The following CFAP70 variants were observed in gnomAD, a reference collection of about 807,000 sequenced individuals.
CFAP70 encodes the protein cilia and flagella associated protein 70, also known as cilia- and flagella-associated protein 70.
A neutral mutation model predicts 137.6 loss-of-function variants in CFAP70; 81 were observed. The ratio of observed to expected loss-of-function variants is 0.59; its 90% CI spans 0.49 to 0.71. CFAP70 has a LOEUF of 0.71. Among genes scored for constraint, CFAP70 ranks in the 30% least tolerant of loss-of-function variants. The pLI, the probability that CFAP70 is intolerant of heterozygous loss-of-function variation, is 0.00. For missense variants in CFAP70, 976 were observed against 1,226.7 expected, an observed-to-expected ratio of 0.80 and a Z score of 3.05; for synonymous variants, 382 against 423.6, an observed-to-expected ratio of 0.90 and a Z score of 1.20.
At chr10:73,254,088 T>C (rs1302441148) in intron 26 of CFAP70, 33 bp from the exon 28 acceptor site, 16 of 1,556,440 alleles carry the variant, frequency 1.0e-5, no homozygotes, top group Non-Finnish European at 5.3e-6. Context: ...GAAAGATATA[T>C]GTCATACGTG....
intron 14 of CFAP70, 60 bp from the exon 16 acceptor site, chr10:73,297,233 G>A (rs1264813003): frequency 6.5e-7 from 1 of 1,543,700 alleles, no homozygotes; most frequent in African/African-American, 1.4e-5. Context: ...TGAGAGCACG[G>A]GTCTCTCTAG....
rs116933741 is a variant in CFAP70, at chr10:73,298,342, T to C, written c.1512+565A>G. ...TAGCCATTATTATTCAAGAAATGAT[T>C]ATTAAGTTAACTATTTCTCAAATTT... is the stretch of plus-strand genomic sequence containing the variant. On this transcript the variant is annotated intron_variant, in intron 14 of 26. Coordinates refer to ENST00000310715, the Ensembl canonical transcript of CFAP70. 5.7e-3 allele frequency among the ~76,000 whole-genome samples: 873 copies of C among 152,326 alleles called. 13 individuals carry two copies. The highest frequency in any genetic ancestry group is 0.042 in the East Asian group (218 of 5,184).
intron 19 of CFAP70, among the ~76,000 whole-genome samples, chr10:73,283,920 T>C (rs1471116866): frequency 2.0e-5 from 3 of 152,216 alleles, no homozygotes; most frequent in Admixed American, 6.5e-5. Context: ...TAAAAATTAT[T>C]ATTTAAAGTC....
chr10:73,270,784 C>A (rs2046241587), intron 24 of CFAP70, among the ~76,000 whole-genome samples: 1 of 151,408 alleles, frequency 6.6e-6, no homozygotes, highest in African/African-American at 2.4e-5. Flanking sequence ...GATCTGCCCA[C>A]CTTGGCCTCC....
intron 11 of CFAP70, among the ~76,000 whole-genome samples, chr10:73,311,009 C>A (rs2049869441): frequency 1.3e-5 from 2 of 152,138 alleles, no homozygotes; most frequent in Admixed American, 6.6e-5. Context: ...AGAATTCCGA[C>A]CTGAAACACA....
chr10:73,331,213 G>T (rs368386733), exon 8 of CFAP70: 5 of 1,613,222 alleles, frequency 3.1e-6, no homozygotes, highest in South Asian at 2.2e-5. Context: ...TGGGTATAGT[G>T]ACCAGAGGAA....
chr10:73,347,553 A>G (rs910302405), intron 4 of CFAP70, among the ~76,000 whole-genome samples: 6 of 152,180 alleles, frequency 3.9e-5, no homozygotes, highest in Admixed American at 2.6e-4. Context: ...TTTAGGTTCT[A>G]TGTTCCATGA....
At chr10:73,266,156 G>C (rs2045738310) in intron 25 of CFAP70, among the ~76,000 whole-genome samples, 1 of 152,098 alleles carries the variant, frequency 6.6e-6, no homozygotes, top group South Asian at 2.1e-4. Context: ...TGATTTTGAT[G>C]ACATTGATTT....
At chr10:73,307,851 A>C (rs1056547124) in intron 12 of CFAP70, among the ~76,000 whole-genome samples, 4 of 151,958 alleles carry the variant, frequency 2.6e-5, no homozygotes, top group African/African-American at 9.7e-5. Context: ...TAGTAAAAAA[A>C]TAAAGGATTT....
intron 12 of CFAP70, among the ~76,000 whole-genome samples, chr10:73,301,941 A>G (rs1243831671): frequency 1.3e-5 from 2 of 152,174 alleles, no homozygotes; most frequent in African/African-American, 4.8e-5. Context: ...ATGGTGGTAG[A>G]GAAGTATATG....
At chr10:73,328,059 G>A (rs2132270037) in intron 8 of CFAP70, among the ~76,000 whole-genome samples, 1 of 152,250 alleles carries the variant, frequency 6.6e-6, no homozygotes, top group East Asian at 1.9e-4. Flanking sequence ...GAACAAAGCT[G>A]GAGGCATCAT....
Position 73,275,712 on chromosome 10 carries a change from A to AC in CFAP70, c.2521-115_2521-114insG. The AC allele has an allele frequency of 1.1e-6, 1 of 944,800 alleles. No individual in the cohort carries two copies. The highest frequency in any genetic ancestry group is 1.5e-6 in the Non-Finnish European group (1 of 677,612). 58.5% of individuals were successfully genotyped at this position (944,800 alleles called of 1,614,324 possible). ...TACGAAATGTATTACAGAATGAAAT[A>AC]ATTATCCTCAACTTCAAAAGGTAAA... On this transcript the variant is annotated intron_variant, in intron 21 of 26. Coordinates refer to ENST00000310715, the Ensembl canonical transcript of CFAP70. This position sits in a 1 kb window ranked among gnomAD's most constrained non-coding sequence, Gnocchi z 4.0.
chr10:73,306,033 C>T (rs1194546404), intron 12 of CFAP70, among the ~76,000 whole-genome samples: 1 of 151,610 alleles, frequency 6.6e-6, no homozygotes, highest in African/African-American at 2.4e-5. Context: ...CTTAAAAGTA[C>T]AATATTTGGA....
At chr10:73,262,573 A>G (rs1199003035) in intron 25 of CFAP70, among the ~76,000 whole-genome samples, 1 of 152,206 alleles carries the variant, frequency 6.6e-6, no homozygotes. Flanking sequence ...AGATCTGTAT[A>G]ATGAACTTAT....
At chr10:73,257,941 G>A (rs1219236575) in intron 25 of CFAP70, among the ~76,000 whole-genome samples, 2 of 141,348 alleles carry the variant, frequency 1.4e-5, no homozygotes, top group Admixed American at 1.5e-4. Flanking sequence ...GCAATGGCAC[G>A]ATCTCAGCAC....
At chr10:73,264,723 A>C (rs1264139974) in intron 25 of CFAP70, among the ~76,000 whole-genome samples, 1 of 152,244 alleles carries the variant, frequency 6.6e-6, no homozygotes, top group African/African-American at 2.4e-5. Context: ...ATTGCAAAGA[A>C]TGTTTTCAAA....
intron 9 of CFAP70, among the ~76,000 whole-genome samples, chr10:73,315,251 T>C (rs1315439861): frequency 1.3e-5 from 2 of 151,090 alleles, no homozygotes; most frequent in Non-Finnish European, 2.9e-5. Flanking sequence ...TTTATTGAGA[T>C]ATTCACATAT....
chr10:73,349,688 G>A (rs2054041138), intron 3 of CFAP70, among the ~76,000 whole-genome samples: 1 of 152,152 alleles, frequency 6.6e-6, no homozygotes, highest in Non-Finnish European at 1.5e-5. Flanking sequence ...GCATTACTCT[G>A]TGTGCTTAAC....
upstream of CFAP70, chr10:73,358,902 G>A (rs1194449462): frequency 6.6e-6 from 1 of 152,268 alleles, no homozygotes; most frequent in African/African-American, 2.4e-5. Context: ...TCCTCACTTC[G>A]AGAGCCTGCT....
Sources: allele counts gnomAD v4.1 joint callset (sites outside exome capture counted in the v4.1 genomes callset), GRCh38; gene constraint gnomAD v4.1.1; non-coding constraint Gnocchi (gnomAD v3.1); transcripts MANE v1.5; gene names NCBI Gene and HGNC (gene_info 2026-07-23, HGNC 2026-07-21).